The following NEMP2 variants were observed in gnomAD, a reference collection of about 807,000 sequenced individuals.
The protein encoded by NEMP2 is nuclear envelope integral membrane protein 2, also known as UPF0571 transmembrane protein.
Under a neutral mutation model 54.2 loss-of-function variants are expected in NEMP2, and 53 were observed. That is an observed-to-expected ratio of 0.98 (90% CI 0.78 to 1.23). The LOEUF is 1.23. Among genes scored for constraint, NEMP2 ranks in the 50% most tolerant of loss-of-function variants. The pLI is 0.00. For synonymous variants in NEMP2, 197 were observed against 190.3 expected (o/e 1.04, Z -0.29); for missense variants, 455 against 511.3 (o/e 0.89, Z 1.06).
rs1031307702 is a variant in NEMP2 at position 190,528,707 on chromosome 2, T to G, written c.98-3329A>C. On this transcript the variant is annotated intron_variant, in intron 1 of 8. Transcript: ENST00000409150. The surrounding 1 kb of genome is among the most constrained non-coding windows in gnomAD (Gnocchi z 4.3). The stretch of plus-strand genomic sequence containing the variant: ...TCAACTCTCATAGAACAGTTCCCTT[T>G]TGTTAATGGTCTGAGGAAATAACCT... Among the ~76,000 whole-genome samples the G allele has an allele frequency of 7.2e-5, 11 of 152,200 alleles. No individual in the cohort carries two copies. The highest frequency in any genetic ancestry group is 2.2e-4 in the African/African-American group (9 of 41,448).
chr2:190,485,946 T>G, the NEMP2 span, among the ~76,000 whole-genome samples: 64 of 152,250 alleles, frequency 4.2e-4, no homozygotes, highest in Non-Finnish European at 8.4e-4. This position sits in a 1 kb window ranked among gnomAD's most constrained non-coding sequence, Gnocchi z 5.1. Context: ...ATGGACTGAC[T>G]TAAGTAATAT....
At chr2:190,605,910 C>A in the NEMP2 span, among the ~76,000 whole-genome samples, 4 of 152,188 alleles carry the variant, frequency 2.6e-5, no homozygotes, top group African/African-American at 9.7e-5. Context: ...TACCTCTTGG[C>A]CCCACTAAAG....
chr2:190,506,625 A>G lies in NEMP2; in HGVS notation c.*2564T>C, dbSNP rs1170881579. The G allele has an allele frequency of 2.0e-5, 3 of 152,328 alleles. No individual in the cohort carries two copies. In the East Asian group the frequency reaches 5.8e-4, roughly 29 times the overall value. 9.4% of individuals were successfully genotyped at this position (152,328 alleles called of 1,614,324 possible). A position where few individuals can be genotyped will look rare whatever the true frequency, so the allele number is the denominator to read the frequency against. On this transcript the variant is annotated 3_prime_UTR_variant, in exon 9 of 9. Coordinates refer to ENST00000409150, the MANE Select transcript of NEMP2 (RefSeq NM_001142645.2). The surrounding 1 kb of genome is among the most constrained non-coding windows in gnomAD (Gnocchi z 6.3). ...CAGCCCTAGGTATTACTGGCAAACC[A>G]TACAACTAATTCACAAAGCATTTTT...
chr2:190,452,031 A>G, the NEMP2 span, among the ~76,000 whole-genome samples: 9 of 151,152 alleles, frequency 6.0e-5, no homozygotes, highest in East Asian at 1.9e-4. Context: ...TTCATGTACT[A>G]TCTTTGCTGA....
chr2:190,531,545 A>C lies in NEMP2; in HGVS notation c.97+3014T>G, dbSNP rs552883748. On this transcript the variant is annotated intron_variant, in intron 1 of 8. Coordinates refer to ENST00000409150, the MANE Select transcript of NEMP2 (RefSeq NM_001142645.2). This position sits in a 1 kb window ranked among gnomAD's most constrained non-coding sequence, Gnocchi z 4.7. ...TTCTAAGATGTTACAGGAGGCATTA[A>C]TTATTTACATTACCAAAGGATTCAG... Among the ~76,000 whole-genome samples, 15 of 152,346 alleles carry C rather than the reference A, an allele frequency of 9.8e-5. No individual in the cohort carries two copies. The highest frequency in any genetic ancestry group is 5.2e-4 in the Admixed American group (8 of 15,310).
the NEMP2 span, among the ~76,000 whole-genome samples, chr2:190,552,484 T>C: frequency 6.6e-6 from 1 of 152,268 alleles, no homozygotes; most frequent in South Asian, 2.1e-4. Context: ...GTAATCCCAG[T>C]GCTTTGGGAG....
At chr2:190,547,798 A>G in the NEMP2 span, among the ~76,000 whole-genome samples, 36 of 152,224 alleles carry the variant, frequency 2.4e-4, no homozygotes, top group Admixed American at 8.5e-4. This position sits in a 1 kb window ranked among gnomAD's most constrained non-coding sequence, Gnocchi z 6.2. Context: ...GGCCTCCCAA[A>G]GTGCTGGGAT....
At chr2:190,449,457 G>C in the NEMP2 span, among the ~76,000 whole-genome samples, 4 of 151,996 alleles carry the variant, frequency 2.6e-5, no homozygotes, top group African/African-American at 9.7e-5. Flanking sequence ...CTAGGTGACA[G>C]AGCAAGACTT....
At chr2:190,476,191 C>CA in the NEMP2 span, among the ~76,000 whole-genome samples, 1 of 151,922 alleles carries the variant, frequency 6.6e-6, no homozygotes, top group African/African-American at 2.4e-5. Context: ...GCAATGGCAA[C>CA]AAAAGCCAAA....
At chr2:190,615,915 A>G in the NEMP2 span, among the ~76,000 whole-genome samples, 14 of 152,092 alleles carry the variant, frequency 9.2e-5, no homozygotes, top group Non-Finnish European at 1.9e-4. The surrounding 1 kb of genome is among the most constrained non-coding windows in gnomAD (Gnocchi z 4.7). Flanking sequence ...ACTTTAATAT[A>G]ATTTAGAGCA....
In NEMP2 at chr2:190,520,763, C is replaced by T. The variant is rs1037937068; in HGVS notation, c.214-1580G>A. Reference sequence around the variant, plus strand: ...ACCTTGTCAGTACCAGACTGCAGCCCCTCCATACATTGTGTTTCATTCATC... The same window carrying T: ...ACCTTGTCAGTACCAGACTGCAGCCTCTCCATACATTGTGTTTCATTCATC... On this transcript the variant is annotated intron_variant, in intron 2 of 8. Transcript: ENST00000409150. This position sits in a 1 kb window ranked among gnomAD's most constrained non-coding sequence, Gnocchi z 5.4. Among the ~76,000 whole-genome samples, 2 of 152,090 alleles carry T rather than the reference C, an allele frequency of 1.3e-5. No individual in the cohort carries two copies. The highest frequency in any genetic ancestry group is 2.9e-5 in the Non-Finnish European group (2 of 68,006).
the NEMP2 span, among the ~76,000 whole-genome samples, chr2:190,580,635 ACT>A: frequency 6.6e-6 from 1 of 152,128 alleles, no homozygotes; most frequent in Non-Finnish European, 1.5e-5. This position sits in a 1 kb window ranked among gnomAD's most constrained non-coding sequence, Gnocchi z 5.3. Flanking sequence ...AGTCTTTAAG[ACT>A]CCAAATTTTC....
At chr2:190,466,390 A>G in the NEMP2 span, among the ~76,000 whole-genome samples, 2 of 152,210 alleles carry the variant, frequency 1.3e-5, no homozygotes, top group Admixed American at 6.5e-5. Flanking sequence ...TTGCCTTTTC[A>G]TAGATCCAAA....
the NEMP2 span, among the ~76,000 whole-genome samples, chr2:190,424,739 T>C: frequency 6.6e-6 from 1 of 152,222 alleles, no homozygotes; most frequent in Non-Finnish European, 1.5e-5. The surrounding 1 kb of genome is among the most constrained non-coding windows in gnomAD (Gnocchi z 5.9). Flanking sequence ...TAAAAAACAG[T>C]TGGGCATATT....
chr2:190,441,654 T>G, the NEMP2 span, among the ~76,000 whole-genome samples: 2 of 152,106 alleles, frequency 1.3e-5, no homozygotes, highest in Admixed American at 6.5e-5. Context: ...GCTACAGATC[T>G]CTACAGTCCT....
At chr2:190,638,428 C>T in the NEMP2 span, among the ~76,000 whole-genome samples, 1 of 152,004 alleles carries the variant, frequency 6.6e-6, no homozygotes, top group Non-Finnish European at 1.5e-5. This position sits in a 1 kb window ranked among gnomAD's most constrained non-coding sequence, Gnocchi z 5.7. Context: ...TGTGTAACTG[C>T]TTGGTGCTCA....
chr2:190,505,576 A>G lies in NEMP2; in HGVS notation c.*3613T>C, dbSNP rs771090306. Reference sequence around the variant, plus strand: ...CTGTATCTTCCAAGATTTATATTAGATAAGTATAGTATTCATTTCAAATCT... The same window carrying G: ...CTGTATCTTCCAAGATTTATATTAGGTAAGTATAGTATTCATTTCAAATCT... On this transcript the variant is annotated 3_prime_UTR_variant, in exon 9 of 9. Transcript: ENST00000409150. This position sits in a 1 kb window ranked among gnomAD's most constrained non-coding sequence, Gnocchi z 5.8. 6.6e-6 allele frequency: 1 copy of G among 152,232 alleles called. No individual in the cohort carries two copies. The highest frequency in any genetic ancestry group is 2.4e-5 in the African/African-American group (1 of 41,462). 9.4% of individuals were successfully genotyped at this position (152,232 alleles called of 1,614,324 possible).
At chr2:190,490,900 T>C in the NEMP2 span, among the ~76,000 whole-genome samples, 1 of 152,350 alleles carries the variant, frequency 6.6e-6, no homozygotes. This position sits in a 1 kb window ranked among gnomAD's most constrained non-coding sequence, Gnocchi z 4.5. Flanking sequence ...CTCAATGAGT[T>C]ACTCAGAAAG....
chr2:190,434,835 A>G, the NEMP2 span, among the ~76,000 whole-genome samples: 4 of 152,128 alleles, frequency 2.6e-5, no homozygotes, highest in African/African-American at 9.7e-5. This position sits in a 1 kb window ranked among gnomAD's most constrained non-coding sequence, Gnocchi z 4.3. Context: ...TGGACCATGG[A>G]CCGCTACCAC....
Sources: gnomAD v4.1 joint callset for allele counts (sites outside exome capture counted in the v4.1 genomes callset) on GRCh38, gnomAD v4.1.1 for gene constraint, Gnocchi (gnomAD v3.1) non-coding constraint, MANE v1.5 for transcripts, NCBI Gene and HGNC (gene_info 2026-07-23, HGNC 2026-07-21) for gene names.